The following BABAM2 variants were observed in gnomAD, a reference collection of about 807,000 sequenced individuals.
The protein encoded by BABAM2 is BRISC and BRCA1 A complex member 2, also known as BRISC and BRCA1-A complex member 2.
In BABAM2, 31 loss-of-function variants were observed where a neutral mutation model predicts 54.7. The ratio of observed to expected loss-of-function variants is 0.57; its 90% CI spans 0.43 to 0.77. The LOEUF (loss-of-function observed/expected upper bound fraction) is 0.77. BABAM2 is among the 30% of genes least tolerant of loss of function. BABAM2 has a pLI of 0.00. For missense variants in BABAM2, 364 were observed against 455.8 expected (o/e 0.80, Z 1.83); for synonymous variants, 167 against 162.9 (o/e 1.03, Z -0.19).
chr2:28,143,400 G>A (rs995960717), intron 7 of BABAM2, among the ~76,000 whole-genome samples: 2 of 152,060 alleles, frequency 1.3e-5, no homozygotes, highest in Non-Finnish European at 2.9e-5. Context: ...TGCAGTTTGT[G>A]TAGGATGAAT....
intron 6 of BABAM2, among the ~76,000 whole-genome samples, chr2:28,112,147 TTACCTCCCTCCCTCCC>T (rs1260586387): frequency 2.3e-3 from 12 of 5,244 alleles, no homozygotes; most frequent in African/African-American, 8.8e-3. Flanking sequence ...CTTTCTTTCT[TTACCTCCCTCCCTCCC>T]TCCCTCCCTC....
At chr2:28,226,951 G>A (rs1680944825) in intron 7 of BABAM2, among the ~76,000 whole-genome samples, 1 of 152,130 alleles carries the variant, frequency 6.6e-6, no homozygotes, top group African/African-American at 2.4e-5. Context: ...AGAGATAGAA[G>A]CTGCCATTTT....
intron 10 of BABAM2, among the ~76,000 whole-genome samples, chr2:28,268,229 G>T (rs1685146958): frequency 6.6e-6 from 1 of 152,192 alleles, no homozygotes; most frequent in South Asian, 2.1e-4. Flanking sequence ...CCAGCTACTT[G>T]GGGAGGCTGA....
At chr2:28,080,400 A>G (rs1665058531) in intron 6 of BABAM2, among the ~76,000 whole-genome samples, 1 of 152,214 alleles carries the variant, frequency 6.6e-6, no homozygotes, top group African/African-American at 2.4e-5. Flanking sequence ...CATTGAAAAG[A>G]GAAGGAGAGA....
In BABAM2 at chr2:27,894,665, A is replaced by G; in HGVS notation, c.109A>G (p.Ile37Val). 1.2e-6 allele frequency: 2 copies of G among 1,614,174 alleles called. No homozygotes were observed. The highest frequency in any genetic ancestry group is 1.7e-6 in the Non-Finnish European group (2 of 1,180,016). Residue 37 changes from isoleucine to valine, a missense_variant, in exon 2 of 12, where the codon ATA becomes GTA. By Grantham distance (29) the Ile-to-Val change is conservative. Coordinates refer to ENST00000379624, the MANE Select transcript of BABAM2 (RefSeq NM_199191.3). ...ACTGGATGCTACAAACTGTTTGAGG[A>G]TAACTGACTTAAAATCTGGGTATGT... ...VGLDATNCLR[I>V]TDLKSGCTSL...
At chr2:28,179,873 T>G (rs113637677) in intron 7 of BABAM2, among the ~76,000 whole-genome samples, 64 of 152,056 alleles carry the variant, frequency 4.2e-4, no homozygotes, top group African/African-American at 1.5e-3. Context: ...TCATTTATAA[T>G]CACTTCAAAA....
chr2:28,262,541 A>G (rs553022707), intron 10 of BABAM2, among the ~76,000 whole-genome samples: 15 of 152,100 alleles, frequency 9.9e-5, no homozygotes, highest in Middle Eastern at 6.8e-3. Flanking sequence ...TCCCAAGTAG[A>G]AGATGAGGGA....
In BABAM2 at chr2:28,306,994, C is replaced by CGTT. The variant is rs1558517386; in HGVS notation, c.1088+8503_1088+8504insGTT. Among the ~76,000 whole-genome samples, 70 of 73,120 alleles carry CGTT rather than the reference C, an allele frequency of 9.6e-4. 2 individuals carry two copies. Among genetic ancestry groups the CGTT allele is most frequent in the Non-Finnish European group, 1.3e-3 (49 of 36,908 alleles). The allele number at this position is 73,120 out of a possible 152,430, so 48.0% of individuals were successfully genotyped here. A position where few individuals can be genotyped will look rare whatever the true frequency, so the allele number is the denominator to read the frequency against. On this transcript the variant is annotated intron_variant, in intron 11 of 11. Transcript: ENST00000379624. ...TACAGGCATGAGCCACCACACCTGG[C>CGTT]CTTTTTTTTTTTTTTTTTTTTTTTT...
intron 2 of BABAM2, among the ~76,000 whole-genome samples, chr2:27,929,588 C>G (rs1181092978): frequency 1.3e-5 from 2 of 152,284 alleles, no homozygotes; most frequent in East Asian, 3.9e-4. Context: ...TTGAAGCACA[C>G]TGTTGATGTT....
chr2:27,997,029 C>A (rs1221305849), intron 4 of BABAM2, among the ~76,000 whole-genome samples: 1 of 151,948 alleles, frequency 6.6e-6, no homozygotes, highest in African/African-American at 2.4e-5. Context: ...AAGACTTCAG[C>A]AGATCATAAA....
chr2:28,231,159 C>T (rs142986527), intron 7 of BABAM2, among the ~76,000 whole-genome samples: 11 of 152,244 alleles, frequency 7.2e-5, no homozygotes, highest in East Asian at 5.8e-4. Flanking sequence ...TAGGTCTACA[C>T]GGCAGGGTTG....
intron 6 of BABAM2, among the ~76,000 whole-genome samples, chr2:28,075,164 A>G (rs1350222858): frequency 1.3e-5 from 2 of 152,204 alleles, no homozygotes; most frequent in East Asian, 1.9e-4. Context: ...AGTGCACCCA[A>G]TTTAGCTAAT....
intron 2 of BABAM2, among the ~76,000 whole-genome samples, chr2:27,917,618 A>G (rs531207715): frequency 6.6e-6 from 1 of 152,254 alleles, no homozygotes; most frequent in African/African-American, 2.4e-5. Flanking sequence ...GTCAGCTCTC[A>G]AAGGCCCTAC....
intron 10 of BABAM2, among the ~76,000 whole-genome samples, 184 bp from the exon 11 acceptor site, chr2:28,298,154 G>A (rs1471809264): frequency 7.9e-5 from 12 of 151,968 alleles, no homozygotes; most frequent in Admixed American, 7.2e-4. Flanking sequence ...TAAACTCCTC[G>A]AAGATGGAGA....
Position 28,209,985 on chromosome 2 carries a change from T to A in BABAM2, c.681-27217T>A, listed in dbSNP as rs1020815355. Among the ~76,000 whole-genome samples the A allele has an allele frequency of 3.3e-5, 5 of 152,158 alleles. No homozygotes were observed. The East Asian group carries it at 9.6e-4, about 29-fold the overall frequency. ...TACCTTACTCACATACTCTTAACTG[T>A]TCTAATTGTTAACCTGTGATTCCAT... On this transcript the variant is annotated intron_variant, in intron 7 of 11. Coordinates refer to ENST00000379624, the MANE Select transcript of BABAM2 (RefSeq NM_199191.3).
chr2:28,295,253 T>C (rs1193416011), intron 10 of BABAM2, among the ~76,000 whole-genome samples: 1 of 152,192 alleles, frequency 6.6e-6, no homozygotes, highest in African/African-American at 2.4e-5. Context: ...AGCCAGTAGC[T>C]TGAAAATCAC....
At chr2:28,173,053 C>G (rs1674530218) in intron 7 of BABAM2, among the ~76,000 whole-genome samples, 1 of 152,132 alleles carries the variant, frequency 6.6e-6, no homozygotes. Context: ...TATAAAGACA[C>G]TAATCCCATT....
At chr2:28,208,705 T>A (rs1485665469) in intron 7 of BABAM2, among the ~76,000 whole-genome samples, 1 of 152,098 alleles carries the variant, frequency 6.6e-6, no homozygotes, top group Non-Finnish European at 1.5e-5. Flanking sequence ...CTCATATTTT[T>A]CAGATAATCA....
intron 7 of BABAM2, among the ~76,000 whole-genome samples, chr2:28,163,599 A>G (rs1673323334): frequency 6.6e-6 from 1 of 152,180 alleles, no homozygotes; most frequent in Non-Finnish European, 1.5e-5. Context: ...ACTGAGAGCC[A>G]TGGGCCTTAG....
Sources: allele counts gnomAD v4.1 joint callset (sites outside exome capture counted in the v4.1 genomes callset), GRCh38; gene constraint gnomAD v4.1.1; transcripts MANE v1.5; gene names NCBI Gene and HGNC (gene_info 2026-07-23, HGNC 2026-07-21).